TEP1: variants seen among roughly 807,000 people sequenced by gnomAD.
TEP1 encodes telomerase associated protein 1.
TEP1 carries 241 observed loss-of-function variants against 306.3 expected under a neutral mutation model. That is an observed-to-expected ratio of 0.79 (90% CI 0.71 to 0.88). TEP1 has a LOEUF of 0.88. Ranked by LOEUF, TEP1 falls within the 40% of genes least tolerant of loss-of-function variation. The pLI is 0.00. For synonymous variants in TEP1, 1,289 were observed against 1,305.5 expected, an observed-to-expected ratio of 0.99 and a Z score of 0.27; for missense variants, 3,051 against 3,276.1, an observed-to-expected ratio of 0.93 and a Z score of 1.68.
chr14:20,382,464 T>TAAAG, intron 28 of TEP1, 108 bp from the exon 29 acceptor site: 1 of 1,537,474 alleles, frequency 6.5e-7, no homozygotes, highest in Admixed American at 1.9e-5. Context: ...AATGAAAAAG[T>TAAAG]AAAGAACAAC....
chr14:20,382,275 C>T lies in TEP1; in HGVS notation c.4222G>A (p.Gly1408Arg), dbSNP rs2229100. The T allele has an allele frequency of 1.9e-3, 3,123 of 1,614,092 alleles. 57 individuals carry two copies. In the African/African-American group the frequency reaches 0.036, roughly 19 times the overall value. ...AAGGCCTGGGGAAGGACATCAGGCC[C>T]GTGCTCCTTCTCCAGTGTGCTCAGG... ...HILSTLEKEH[G>R]PDVLPQALTA... Residue 1408 changes from glycine (G) to arginine (R), a missense_variant, in exon 29 of 55, where the codon GGG (glycine) becomes AGG (arginine). Physicochemically the swap from Gly to Arg is moderately radical, Grantham distance 125. This residue lies in a region of TEP1 where 1,540 missense variants were observed against 1,705.9 expected (regional missense o/e 0.90). Coordinates refer to ENST00000262715, the MANE Select transcript of TEP1 (RefSeq NM_007110.5).
At position 20,391,733 on chromosome 14, in the gene TEP1, A is replaced by T; in HGVS notation, c.1963T>A (p.Tyr655Asn). Residue 655 changes from tyrosine (Y) to asparagine (N), a missense_variant, in exon 13 of 55, where the codon TAC (tyrosine) becomes AAC (asparagine). Around this residue, in one of 3 missense-constraint regions of TEP1, gnomAD observed 1,507 missense variants for 1,550.5 expected, o/e 0.97. Transcript: ENST00000262715. ...WKYDGEMLNR[Y>N]RQALETAVNL... ...ACAGCTGTCTCTAGGGCCTGTCGGT[A>T]CCTGTTCAGCATCTCACCATCATAT... 3 of 1,614,148 alleles carry T rather than the reference A, an allele frequency of 1.9e-6. No homozygotes were observed. Among genetic ancestry groups the T allele is most frequent in the Non-Finnish European group, 2.5e-6 (3 of 1,180,020 alleles).
rs1300455953 is a variant in TEP1, at chr14:20,378,212, T to C, written c.5533A>G (p.Ile1845Val). The C allele has an allele frequency of 1.2e-6, 2 of 1,613,446 alleles. No homozygotes were observed. The highest frequency in any genetic ancestry group is 1.7e-6 in the Non-Finnish European group (2 of 1,180,024). Residue 1845 changes from isoleucine (I) to valine (V), a missense_variant, in exon 39 of 55, where the codon ATC becomes GTC. Physicochemically the swap from Ile to Val is conservative, Grantham distance 29 (BLOSUM62 3). This residue lies in a region of TEP1 where 1,540 missense variants were observed against 1,705.9 expected (regional missense o/e 0.90). Coordinates refer to ENST00000262715, the MANE Select transcript of TEP1 (RefSeq NM_007110.5). ...GGCACATTGAAGGCCAAGGTACGGATAGAGGCTCCGGGTGCCCCCAGGTCC... is the reference window on the plus strand; with the variant it reads ...GGCACATTGAAGGCCAAGGTACGGACAGAGGCTCCGGGTGCCCCCAGGTCC... ...TKDLGAPGAS[I>V]RTLAFNVPGG...
Position 20,405,649 on chromosome 14 carries a change from T to C in TEP1, c.736-64A>G, listed in dbSNP as rs145042167. On this transcript the variant is annotated intron_variant, in intron 3 of 54. Transcript: ENST00000262715. ...TAACAAGGACCAACTTAAGCATCCA[T>C]GCAGACTAACTTACAAAGTCAAGGA... 1,812 of 1,574,214 alleles carry C rather than the reference T, an allele frequency of 1.2e-3. 22 individuals carry two copies. In the African/African-American group the frequency reaches 0.022, roughly 19 times the overall value.
In TEP1 at chr14:20,368,573, A is replaced by C. The variant is rs1398886252; in HGVS notation, c.7762-14T>G. The C allele has an allele frequency of 6.2e-7, 1 of 1,614,046 alleles. No individual in the cohort carries two copies. Among genetic ancestry groups the C allele is most frequent in the South Asian group, 1.1e-5 (1 of 91,080 alleles). ...GAACAGGCCCAGCTACGATGGGAAC[A>C]AAAATAGGGGAGGTCAGGGCTACAA... On this transcript the variant is annotated splice_polypyrimidine_tract_variant and intron_variant, in intron 54 of 54. Coordinates refer to ENST00000262715, the MANE Select transcript of TEP1 (RefSeq NM_007110.5).
chr14:20,393,579 G>A (rs1250829050), intron 12 of TEP1, among the ~76,000 whole-genome samples: 1 of 152,052 alleles, frequency 6.6e-6, no homozygotes, highest in Admixed American at 6.6e-5. Flanking sequence ...ATCACTTGAG[G>A]TTGGGAGTTT....
chr14:20,385,274 A>T (rs1877033446), intron 20 of TEP1, among the ~76,000 whole-genome samples, 165 bp from the exon 21 acceptor site: 1 of 151,034 alleles, frequency 6.6e-6, no homozygotes. Context: ...ATTTATTTTT[A>T]TTTTTTTTTC....
Position 20,389,241 on chromosome 14 carries a change from A to G in TEP1, c.2522T>C (p.Leu841Pro). ...VTLSGCTDAI[L>P]KFIAEHGASH... The stretch of plus-strand genomic sequence containing the variant: ...TCAGTATCCATTCTGTACTCACTTC[A>G]GTATCGCATCAGTACAGCCTGAGAG... Residue 841 changes from leucine to proline, a missense_variant, in exon 17 of 55, where the codon CTG becomes CCG. Leu to Pro is a moderately conservative substitution (Grantham distance 98, BLOSUM62 -3). Transcript: ENST00000262715. 6.2e-7 allele frequency: 1 copy of G among 1,614,142 alleles called. No individual in the cohort carries two copies. The highest frequency in any genetic ancestry group is 2.2e-5 in the East Asian group (1 of 44,890).
chr14:20,386,395 C>A, intron 19 of TEP1, 52 bp downstream of exon 19: 2 of 1,574,400 alleles, frequency 1.3e-6, no homozygotes, highest in South Asian at 1.2e-5. Context: ...TCAGGTCCAC[C>A]ACTCAAGCCC....
In TEP1 at chr14:20,379,139, C is replaced by T. The variant is rs1442374141; in HGVS notation, c.5128-34G>A. 2.5e-6 allele frequency: 4 copies of T among 1,609,870 alleles called. No homozygotes were observed. In the African/African-American group the frequency reaches 5.3e-5, roughly 21 times the overall value. On this transcript the variant is annotated intron_variant, in intron 35 of 54. Coordinates refer to ENST00000262715, the MANE Select transcript of TEP1 (RefSeq NM_007110.5). ...GTGGGTGAGGGAGCGCAGCTCAGGC[C>T]ATCCCCTTGACCCTCCAAGTCCCAC... is the stretch of plus-strand genomic sequence containing the variant.
Position 20,396,557 on chromosome 14 carries a change from C to T in TEP1, c.1659+64G>A, listed in dbSNP as rs1456111666. The T allele has an allele frequency of 3.6e-6, 5 of 1,402,478 alleles. No individual in the cohort carries two copies. In the Middle Eastern group the frequency reaches 5.4e-4, roughly 151 times the overall value. The allele number at this position is 1,402,478 out of a possible 1,614,324, so 86.9% of individuals were successfully genotyped here. On this transcript the variant is annotated intron_variant, in intron 10 of 54. Coordinates refer to ENST00000262715, the MANE Select transcript of TEP1 (RefSeq NM_007110.5). Reference sequence around the variant, plus strand: ...TGAAAAAGCCTGGCCTCTAAAGCAGCAGTGGCCTCTCCACGTGCACATCTA... The same window carrying T: ...TGAAAAAGCCTGGCCTCTAAAGCAGTAGTGGCCTCTCCACGTGCACATCTA...
In TEP1 at chr14:20,374,526, G is replaced by C; in HGVS notation, c.6374C>G (p.Ser2125Cys). ...WTKDNLLISC[S>C]SDGSVGLWDP... Reference sequence around the variant, plus strand: ...CCAGAGCCCCACAGAGCCATCACTGGAGCAGGATATCTACAGAGTCAGAAG... The same window carrying C: ...CCAGAGCCCCACAGAGCCATCACTGCAGCAGGATATCTACAGAGTCAGAAG... The change falls in exon 44 of 55, where the codon TCC becomes TGC. Residue 2125 changes from serine (S) to cysteine (C), a missense_variant. By Grantham distance (112) the Ser-to-Cys change is moderately radical. Transcript: ENST00000262715. 1 of 1,612,440 alleles carries C rather than the reference G, an allele frequency of 6.2e-7. No homozygotes were observed. The highest frequency in any genetic ancestry group is 8.5e-7 in the Non-Finnish European group (1 of 1,179,392).
chr14:20,396,406 CT>C (rs1160518087), intron 10 of TEP1, among the ~76,000 whole-genome samples: 2 of 152,240 alleles, frequency 1.3e-5, no homozygotes, highest in Non-Finnish European at 2.9e-5. Context: ...AGTTCTTATA[CT>C]CTACTGTAAC....
intron 2 of TEP1, 144 bp from the exon 3 acceptor site, chr14:20,406,544 G>T: frequency 1.2e-6 from 1 of 824,914 alleles, no homozygotes; most frequent in Non-Finnish European, 1.9e-6. Context: ...TCACACACCA[G>T]CACTGATGTG....
rs193205973 is a variant in TEP1, at chr14:20,398,829, G to A, written c.1550-2099C>T. On this transcript the variant is annotated intron_variant, in intron 9 of 54. Transcript: ENST00000262715. ...GTAAATGCTGCTCCCTTTGTAAAGG[G>A]GATGTAAGTCTTATTTGAATTATAG... Among the ~76,000 whole-genome samples, 17 of 152,272 alleles carry A rather than the reference G, an allele frequency of 1.1e-4. 1 individual carries two copies. The East Asian group carries it at 2.9e-3, about 26-fold the overall frequency.
intron 41 of TEP1, among the ~76,000 whole-genome samples, chr14:20,376,963 C>T (rs1045618918): frequency 2.0e-5 from 3 of 152,262 alleles, no homozygotes; most frequent in Admixed American, 2.0e-4. Flanking sequence ...CGTCTGTAAT[C>T]CCAGCACTTT....
chr14:20,401,348 G>C (rs1878722221), intron 8 of TEP1, 109 bp downstream of exon 8: 1 of 1,501,776 alleles, frequency 6.7e-7, no homozygotes, highest in East Asian at 2.3e-5. Flanking sequence ...GGGCATGTCT[G>C]TCTAAAGTCA....
chr14:20,389,535 A>G (rs551402719), intron 16 of TEP1, 75 bp downstream of exon 16: 42 of 1,586,126 alleles, frequency 2.6e-5, no homozygotes, highest in East Asian at 6.7e-5. Context: ...GGAGTGTCCT[A>G]TGCTTTGGCA....
rs772733255 is a variant in TEP1, at chr14:20,380,450, T to C, written c.4788A>G (p.Gln1596=). 6.2e-7 allele frequency: 1 copy of C among 1,613,654 alleles called. No individual in the cohort carries two copies. Among genetic ancestry groups the C allele is most frequent in the Admixed American group, 1.7e-5 (1 of 60,012 alleles). The change falls in exon 34 of 55, where the codon CAA becomes CAG. Residue 1596 remains glutamine (Q), a synonymous_variant. Coordinates refer to ENST00000262715, the MANE Select transcript of TEP1 (RefSeq NM_007110.5). ...CTGCAACGTCAGCCTCGGGGAGCTT[T>C]TGTTCCTCTTTGGGGACTGAAGAAG... ...LYASSVPKEE[Q]KLPEADVAVF... is the part of the protein sequence containing the mutation.
Sources: allele counts gnomAD v4.1 joint callset (sites outside exome capture counted in the v4.1 genomes callset), GRCh38; gene constraint gnomAD v4.1.1; regional missense constraint gnomAD v4.1.1; transcripts MANE v1.5; gene names NCBI Gene and HGNC (gene_info 2026-07-23, HGNC 2026-07-21).